MROH2B: variants seen among roughly 807,000 people sequenced by gnomAD.
The protein encoded by MROH2B is maestro heat-like repeat-containing protein family member 2B.
MROH2B carries 177 observed loss-of-function variants against 208.6 expected under a neutral mutation model. The ratio of observed to expected loss-of-function variants is 0.85; its 90% CI spans 0.75 to 0.96. The LOEUF is 0.96. MROH2B is among the 40% of genes least tolerant of loss of function. The pLI is 0.00. For synonymous variants in MROH2B, 728 were observed against 659.0 expected (o/e 1.10, Z -1.60); for missense variants, 2,002 against 1,878.7 (o/e 1.07, Z -1.21).
chr5:41,004,723 T>G (rs566607869), intron 36 of MROH2B, 51 bp downstream of exon 36: 1 of 1,578,330 alleles, frequency 6.3e-7, no homozygotes, highest in Non-Finnish European at 8.6e-7. Context: ...ATTAAATCAT[T>G]ATTTCAAAAC....
rs770370106 is a variant in MROH2B at position 41,051,005 on chromosome 5, A to C, written c.1316T>G (p.Leu439Arg). Residue 439 changes from leucine (L) to arginine (R), a missense_variant, in exon 13 of 42, where the codon CTG (leucine) becomes CGG (arginine). Transcript: ENST00000399564. Reference protein sequence around the residue: ...RETSLEVLKTLDPLVIGMPQV... With the variant: ...RETSLEVLKTRDPLVIGMPQV... ...AGGCATTCCAATGACCAGTGGGTCC[A>C]GGGTTTTTAAGACCTCAAGGCTTGT... is the stretch of plus-strand genomic sequence containing the variant. The C allele has an allele frequency of 6.4e-7, 1 of 1,570,406 alleles. No individual in the cohort carries two copies. Among genetic ancestry groups the C allele is most frequent in the African/African-American group, 1.4e-5 (1 of 71,710 alleles).
chr5:41,032,775 C>T lies in MROH2B; in HGVS notation c.2408G>A (p.Arg803Gln), dbSNP rs201107972. The T allele has an allele frequency of 6.7e-4, 1,080 of 1,612,416 alleles. 1 individual carries two copies. The highest frequency in any genetic ancestry group is 8.3e-4 in the Non-Finnish European group (979 of 1,179,132). ...CCTAATGGCGATTAAGGCTTTCCAC[C>T]GAATAGGGCTAGCTAAGGAATCCAG... Reference protein sequence around the residue: ...EPLDSLASPIRWKALIAIRYL... With the variant: ...EPLDSLASPIQWKALIAIRYL... Residue 803 changes from arginine (R) to glutamine (Q), a missense_variant, in exon 24 of 42, where the codon CGG (arginine) becomes CAG (glutamine). Physicochemically the swap from Arg to Gln is conservative, Grantham distance 43. Transcript: ENST00000399564.
At chr5:41,019,350 G>GAA (rs1360497436) in intron 24 of MROH2B, among the ~76,000 whole-genome samples, 1 of 151,764 alleles carries the variant, frequency 6.6e-6, no homozygotes, top group Admixed American at 6.6e-5. Context: ...GTGTGAGAGA[G>GAA]AGTGAGAAAG....
intron 6 of MROH2B, 131 bp from the exon 7 acceptor site, chr5:41,058,334 A>G: frequency 1.1e-6 from 1 of 906,876 alleles, no homozygotes; most frequent in Non-Finnish European, 1.5e-6. Context: ...AATTCTTTAA[A>G]TTCTTTAAAA....
In MROH2B at chr5:41,018,714, C is replaced by A. The variant is rs1179356283; in HGVS notation, c.2650G>T (p.Glu884Ter). Reference protein sequence around the residue: ...KTMMWDNVNAEDCQEMFNLLQ... With the variant: ...KTMMWDNVNA Reference sequence around the variant, plus strand: ...ACATTAAACATTTCTTGACAGTCCTCTGCATTCACATTATCCCACATCATG... The same window carrying A: ...ACATTAAACATTTCTTGACAGTCCTATGCATTCACATTATCCCACATCATG... The change falls in exon 26 of 42, where the codon GAG (glutamate) becomes TAG (stop). Residue 884 changes from glutamate (E) to a stop codon, truncating the protein, a stop_gained. Coordinates refer to ENST00000399564, the MANE Select transcript of MROH2B (RefSeq NM_173489.5). LOFTEE classifies it high-confidence loss of function. The A allele has an allele frequency of 2.5e-6, 4 of 1,613,818 alleles. No homozygotes were observed. In the Admixed American group the frequency reaches 6.7e-5, roughly 27 times the overall value.
At chr5:41,029,059 C>T (rs546916330) in intron 24 of MROH2B, among the ~76,000 whole-genome samples, 1 of 152,132 alleles carries the variant, frequency 6.6e-6, no homozygotes, top group East Asian at 1.9e-4. Flanking sequence ...TCCCGTTTTC[C>T]ATAATGGATG....
chr5:41,044,525 T>C lies in MROH2B; in HGVS notation c.1836+1221A>G, dbSNP rs549816731. On this transcript the variant is annotated intron_variant, in intron 18 of 41. Transcript: ENST00000399564. ...ATTGCTCTGCCTACGGGTACCACCA[T>C]TATTCTAGAGTAATCTTGTGGGTCT... is the stretch of plus-strand genomic sequence containing the variant. 2.0e-5 allele frequency among the ~76,000 whole-genome samples: 3 copies of C among 152,318 alleles called. No individual in the cohort carries two copies. In the East Asian group the frequency reaches 5.8e-4, roughly 29 times the overall value.
At chr5:41,001,369 T>C (rs1286388445) in intron 37 of MROH2B, among the ~76,000 whole-genome samples, 1 of 152,080 alleles carries the variant, frequency 6.6e-6, no homozygotes, top group Non-Finnish European at 1.5e-5. Flanking sequence ...GTATGTGAAA[T>C]TATGGAACTT....
At position 41,024,126 on chromosome 5, in the gene MROH2B, C is replaced by T. The variant is rs569623897; in HGVS notation, c.2442-5108G>A. 3.5e-4 allele frequency among the ~76,000 whole-genome samples: 53 copies of T among 152,294 alleles called. No individual in the cohort carries two copies. In the East Asian group the frequency reaches 8.3e-3, roughly 24 times the overall value. On this transcript the variant is annotated intron_variant, in intron 24 of 41. Transcript: ENST00000399564. ...CAAGGCTAGGAAGAAACTGCATCAA[C>T]TAAAGAGCAAAATAACCAGCTAACA...
At chr5:41,011,702 C>G (rs1741779834) in intron 30 of MROH2B, among the ~76,000 whole-genome samples, 1 of 149,686 alleles carries the variant, frequency 6.7e-6, no homozygotes, top group Non-Finnish European at 1.5e-5. Flanking sequence ...GAGCCTTGCT[C>G]TATTGCCCAG....
Position 40,999,680 on chromosome 5 carries a change from T to C in MROH2B, c.4582A>G (p.Thr1528Ala). Reference protein sequence around the residue: ...EVIRSAAVKLTDAVVLNLTSQ... With the variant: ...EVIRSAAVKLADAVVLNLTSQ... ...GGAAATGGGGATGTGTACTCACCTG[T>C]GAGTTTGACAGCTGCACTCCTGATC... Residue 1528 changes from threonine to alanine, a missense_variant, in exon 40 of 42, where the codon ACA becomes GCA. Thr to Ala is a moderately conservative substitution (Grantham distance 58). Coordinates refer to ENST00000399564, the MANE Select transcript of MROH2B (RefSeq NM_173489.5). 6.2e-7 allele frequency: 1 copy of C among 1,610,830 alleles called. No homozygotes were observed. The highest frequency in any genetic ancestry group is 8.5e-7 in the Non-Finnish European group (1 of 1,177,636).
chr5:41,060,288 C>A (rs972553647), intron 6 of MROH2B, among the ~76,000 whole-genome samples: 2 of 152,144 alleles, frequency 1.3e-5, no homozygotes, highest in East Asian at 1.9e-4. Flanking sequence ...CCACCCCATA[C>A]CCCTCTATTG....
chr5:41,007,196 G>T lies in MROH2B; in HGVS notation c.3749+118C>A, dbSNP rs913799757. 9.5e-5 allele frequency: 95 copies of T among 994,926 alleles called. No homozygotes were observed. The African/African-American group carries it at 1.4e-3, about 14-fold the overall frequency. The allele number at this position is 994,926 out of a possible 1,614,324, so 61.6% of individuals were successfully genotyped here. On this transcript the variant is annotated intron_variant, in intron 34 of 41. Coordinates refer to ENST00000399564, the MANE Select transcript of MROH2B (RefSeq NM_173489.5). Reference sequence around the variant, plus strand: ...CTTTCTTTCCTGTTTGTCCTCCTTCGACTATTAGTCCTAAGTGAATCAATT... The same window carrying T: ...CTTTCTTTCCTGTTTGTCCTCCTTCTACTATTAGTCCTAAGTGAATCAATT...
Position 40,998,133 on chromosome 5 carries a change from C to T in MROH2B, c.4677G>A (p.Pro1559=), listed in dbSNP as rs722575. The stretch of plus-strand genomic sequence containing the variant: ...CAGCTGCTCTCTGGACACTAATACA[C>T]GGATCTTGACGAAGTGCTTGGAGTC... ...TTRLQALRQD[P]CISVQRAAEA... Residue 1559 remains proline, a synonymous_variant, in exon 42 of 42, where the codon CCG becomes CCA. Transcript: ENST00000399564. The T allele has an allele frequency of 0.39, 624,292 of 1,600,780 alleles. 124,677 individuals are homozygous for T. The highest frequency in any genetic ancestry group is 0.4 in the Non-Finnish European group (472,602 of 1,169,720).
intron 20 of MROH2B, 111 bp from the exon 21 acceptor site, chr5:41,038,999 G>A (rs979646742): frequency 1.3e-5 from 12 of 958,784 alleles, no homozygotes; most frequent in Non-Finnish European, 1.7e-5. Context: ...AACTGGACTG[G>A]GATGATTCGA....
chr5:41,020,648 T>C (rs929739034), intron 24 of MROH2B, among the ~76,000 whole-genome samples: 7 of 99,428 alleles, frequency 7.0e-5, no homozygotes, highest in African/African-American at 1.6e-4. Context: ...GTTCAGAAAT[T>C]TTTTTTTGCC....
intron 24 of MROH2B, among the ~76,000 whole-genome samples, chr5:41,022,232 G>C (rs570663442): frequency 3.4e-4 from 52 of 152,290 alleles, no homozygotes; most frequent in African/African-American, 1.0e-3. Context: ...CACTGAGTGA[G>C]AGCCAAAGCA....
In MROH2B at chr5:41,008,812, T is replaced by C. The variant is rs749282827; in HGVS notation, c.3421-19A>G. ...AGGCCACCTGAGGGGAGAAAGGGCCTCTTGGTCAGGCAGTCTCATTTTCTC... is the reference window on the plus strand; with the variant it reads ...AGGCCACCTGAGGGGAGAAAGGGCCCCTTGGTCAGGCAGTCTCATTTTCTC... On this transcript the variant is annotated intron_variant, in intron 32 of 41. Transcript: ENST00000399564. The C allele has an allele frequency of 3.1e-6, 5 of 1,597,538 alleles. No individual in the cohort carries two copies. Among genetic ancestry groups the C allele is most frequent in the Admixed American group, 3.4e-5 (2 of 58,558 alleles).
intron 24 of MROH2B, among the ~76,000 whole-genome samples, chr5:41,024,103 A>G (rs1742259632): frequency 2.0e-5 from 3 of 152,232 alleles, no homozygotes; most frequent in Admixed American, 6.5e-5. Flanking sequence ...AAGACCATCA[A>G]GGCTAGGAAG....
Sources: gnomAD v4.1 joint callset for allele counts (sites outside exome capture counted in the v4.1 genomes callset) on GRCh38, gnomAD v4.1.1 for gene constraint, MANE v1.5 for transcripts, NCBI Gene and HGNC (gene_info 2026-07-23, HGNC 2026-07-21) for gene names.